The following CLVS1 variants were observed in gnomAD, a reference collection of about 807,000 sequenced individuals.
CLVS1 encodes the protein clavesin 1.
CLVS1 carries 10 observed loss-of-function variants against 33.1 expected under a neutral mutation model. The ratio of observed to expected loss-of-function variants is 0.30; its 90% CI spans 0.19 to 0.51. CLVS1 has a LOEUF of 0.51. Among genes scored for constraint, CLVS1 ranks in the 20% least tolerant of loss-of-function variants. The probability of loss-of-function intolerance (pLI) is 0.97; values close to 1 mark genes in which losing one functional copy is unlikely to be tolerated. For synonymous variants in CLVS1, 163 were observed against 166.1 expected (o/e 0.98, Z 0.14); for missense variants, 343 against 433.4 (o/e 0.79, Z 1.85).
At chr8:60,980,735 G>A in the CLVS1 span, among the ~76,000 whole-genome samples, 3,381 of 152,286 alleles carry the variant, frequency 0.022, 114 homozygotes, top group African/African-American at 0.075. Flanking sequence ...GCAGTGAGCC[G>A]TGATTGCACC....
At chr8:61,213,857 C>T (rs10957185) in intron 2 of CLVS1, among the ~76,000 whole-genome samples, 23,100 of 152,162 alleles carry the variant, frequency 0.15, 2,577 homozygotes, top group African/African-American at 0.32. Flanking sequence ...CCGGGTGGAA[C>T]AGAGCCATAT....
chr8:61,247,908 A>G (rs1001401635), intron 2 of CLVS1, among the ~76,000 whole-genome samples: 10 of 151,996 alleles, frequency 6.6e-5, no homozygotes, highest in Non-Finnish European at 1.5e-4. Flanking sequence ...AGGGTTTTTA[A>G]CATTTTGGGT....
intron 3 of CLVS1, among the ~76,000 whole-genome samples, chr8:61,449,951 C>G (rs1308156460): frequency 6.6e-6 from 1 of 152,178 alleles, no homozygotes; most frequent in Non-Finnish European, 1.5e-5. Flanking sequence ...AATTAATAAT[C>G]ATATTTTATG....
chr8:61,463,164 A>T (rs949617792), intron 5 of CLVS1, among the ~76,000 whole-genome samples: 1 of 152,170 alleles, frequency 6.6e-6, no homozygotes, highest in African/African-American at 2.4e-5. Flanking sequence ...GCTAGCTTCC[A>T]ATTTTTCTTC....
intron 2 of CLVS1, among the ~76,000 whole-genome samples, chr8:61,349,698 A>G (rs915800444): frequency 1.3e-5 from 2 of 152,054 alleles, no homozygotes; most frequent in African/African-American, 4.8e-5. Flanking sequence ...TTACTTTGCA[A>G]TTCTAATGTT....
intron 2 of CLVS1, among the ~76,000 whole-genome samples, chr8:61,195,185 C>CA (rs1487187244): frequency 1.3e-5 from 2 of 150,972 alleles, no homozygotes; most frequent in Non-Finnish European, 3.0e-5. Flanking sequence ...ATAACAAGAG[C>CA]AAAAATTAAT....
the CLVS1 span, among the ~76,000 whole-genome samples, chr8:61,012,101 G>A: frequency 6.6e-6 from 1 of 152,214 alleles, no homozygotes; most frequent in African/African-American, 2.4e-5. Context: ...TGCACATCCT[G>A]GGAGGCTTCT....
chr8:61,160,346 A>G (rs1806728749), intron 2 of CLVS1, among the ~76,000 whole-genome samples: 1 of 152,230 alleles, frequency 6.6e-6, no homozygotes. Flanking sequence ...TTTACCCATT[A>G]TGATTCCTTA....
intron 2 of CLVS1, among the ~76,000 whole-genome samples, chr8:61,190,772 A>G (rs977337936): frequency 2.6e-5 from 4 of 152,252 alleles, no homozygotes; most frequent in African/African-American, 9.6e-5. Context: ...TAGAAAATCT[A>G]GAAGAAATGC....
At chr8:61,280,276 A>T (rs1809644136) in intron 2 of CLVS1, among the ~76,000 whole-genome samples, 1 of 152,236 alleles carries the variant, frequency 6.6e-6, no homozygotes, top group Admixed American at 6.5e-5. Context: ...AGTTTATGGT[A>T]AGTTTTATGA....
At chr8:61,251,298 C>T (rs554344336) in intron 2 of CLVS1, among the ~76,000 whole-genome samples, 30 of 152,106 alleles carry the variant, frequency 2.0e-4, no homozygotes, top group Admixed American at 7.2e-4. Context: ...TTTGATGTAC[C>T]GCTGGATTTG....
chr8:61,285,541 G>T (rs1809759168), upstream of CLVS1, among the ~76,000 whole-genome samples: 1 of 152,174 alleles, frequency 6.6e-6, no homozygotes, highest in Non-Finnish European at 1.5e-5. Context: ...AATGACAAGG[G>T]TGAAGGCCCG....
chr8:60,988,021 G>T, the CLVS1 span, among the ~76,000 whole-genome samples: 1 of 152,184 alleles, frequency 6.6e-6, no homozygotes, highest in Non-Finnish European at 1.5e-5. Flanking sequence ...CATCTGGGAA[G>T]GTAGGATTTG....
At chr8:61,209,116 A>G (rs1807920210) in intron 2 of CLVS1, among the ~76,000 whole-genome samples, 2 of 152,356 alleles carry the variant, frequency 1.3e-5, no homozygotes, top group Non-Finnish European at 2.9e-5. Context: ...CTCCATTGCT[A>G]AAATATCAAC....
intron 1 of CLVS1, among the ~76,000 whole-genome samples, chr8:61,115,360 T>A (rs1185328205): frequency 1.3e-5 from 2 of 151,272 alleles, no homozygotes; most frequent in African/African-American, 4.8e-5. Flanking sequence ...TTTTTATTTT[T>A]ATTTTTATTT....
the CLVS1 span, among the ~76,000 whole-genome samples, chr8:60,973,076 G>T: frequency 6.6e-6 from 1 of 152,182 alleles, no homozygotes; most frequent in Non-Finnish European, 1.5e-5. Flanking sequence ...GAAGTCATGG[G>T]GGTCTGTCCA....
intron 2 of CLVS1, among the ~76,000 whole-genome samples, chr8:61,337,637 G>T (rs528851113): frequency 6.6e-6 from 1 of 152,140 alleles, no homozygotes; most frequent in Admixed American, 6.5e-5. Context: ...TGTGATGTGG[G>T]CTGTTTATGT....
intron 2 of CLVS1, among the ~76,000 whole-genome samples, chr8:61,229,997 A>G (rs1414451385): frequency 1.3e-5 from 2 of 152,172 alleles, no homozygotes; most frequent in Non-Finnish European, 2.9e-5. Flanking sequence ...TAGGAGAAAA[A>G]TGCTGAGCTA....
chr8:61,301,224 CT>C (rs1801504088), intron 2 of CLVS1, among the ~76,000 whole-genome samples: 1 of 152,266 alleles, frequency 6.6e-6, no homozygotes, highest in African/African-American at 2.4e-5. Flanking sequence ...ATCTTCTGAC[CT>C]TCTTCACATC....
Sources: allele counts gnomAD v4.1 joint callset (sites outside exome capture counted in the v4.1 genomes callset), GRCh38; gene constraint gnomAD v4.1.1; transcripts MANE v1.5; gene names NCBI Gene and HGNC (gene_info 2026-07-23, HGNC 2026-07-21).